Variants in SOX6 observed in about 807,000 individuals in gnomAD.
The protein encoded by SOX6 is SRY-box transcription factor 6.
Under a neutral mutation model 97.8 loss-of-function variants are expected in SOX6, and 11 were observed. That is an observed-to-expected ratio of 0.11 (90% CI 0.07 to 0.19). SOX6 has a LOEUF of 0.19. Ranked by LOEUF, SOX6 falls within the 10% of genes least tolerant of loss-of-function variation. SOX6 has a pLI of 1.00. For missense variants in SOX6, 810 were observed against 1,039.5 expected (o/e 0.78, Z 3.04); for synonymous variants, 360 against 371.4 (o/e 0.97, Z 0.35).
chr11:16,594,509 T>C (rs1386656372), intron 4 of SOX6, among the ~76,000 whole-genome samples: 1 of 152,104 alleles, frequency 6.6e-6, no homozygotes, highest in Non-Finnish European at 1.5e-5. Context: ...GGGAAAGGAC[T>C]ACAGCTAAGA....
intron 3 of SOX6, among the ~76,000 whole-genome samples, chr11:16,612,960 A>G (rs897464408): frequency 6.6e-6 from 1 of 152,124 alleles, no homozygotes; most frequent in Admixed American, 6.5e-5. Flanking sequence ...CCTAAGAGAA[A>G]CTGTAAACGG....
chr11:16,436,534 A>G (rs552927158), intron 1 of SOX6, among the ~76,000 whole-genome samples: 38 of 152,152 alleles, frequency 2.5e-4, no homozygotes, highest in African/African-American at 9.2e-4. Context: ...CTTACACACA[A>G]TGTAATTTTG....
chr11:16,252,874 GAC>G (rs1853557364), intron 3 of SOX6, among the ~76,000 whole-genome samples: 1 of 152,098 alleles, frequency 6.6e-6, no homozygotes, highest in South Asian at 2.1e-4. Flanking sequence ...ACAGTCTGAA[GAC>G]ACAGGCTCAC....
chr11:16,150,828 T>C (rs549193746), intron 6 of SOX6, among the ~76,000 whole-genome samples: 1 of 152,308 alleles, frequency 6.6e-6, no homozygotes, highest in East Asian at 1.9e-4. Flanking sequence ...GCATTTCTTC[T>C]AGCTCCTGAC....
At chr11:16,491,626 T>C (rs1226771484) in intron 4 of SOX6, among the ~76,000 whole-genome samples, 2 of 152,056 alleles carry the variant, frequency 1.3e-5, no homozygotes, top group East Asian at 3.9e-4. Context: ...GCACAAAGAA[T>C]AGACTTGATC....
intron 12 of SOX6, among the ~76,000 whole-genome samples, chr11:16,040,591 G>A (rs1855635441): frequency 6.6e-6 from 1 of 151,966 alleles, no homozygotes; most frequent in South Asian, 2.1e-4. Context: ...AAATATGTAT[G>A]AAGCACATAT....
rs368046856 is a variant in SOX6, at chr11:16,142,098, C to T, written c.778-30175G>A. Among the ~76,000 whole-genome samples the T allele has an allele frequency of 1.4e-3, 210 of 152,252 alleles. 1 individual carries two copies. The highest frequency in any genetic ancestry group is 4.7e-3 in the African/African-American group (195 of 41,564). On this transcript the variant is annotated intron_variant, in intron 6 of 15. Coordinates refer to ENST00000683767, the MANE Select transcript of SOX6 (RefSeq NM_001367873.1). Reference sequence around the variant, plus strand: ...CCCCGAGTAGCCTAACTGGGAGGCACCCCCAGTAGGGGCAGCCTGACACCT... The same window carrying T: ...CCCCGAGTAGCCTAACTGGGAGGCATCCCCAGTAGGGGCAGCCTGACACCT...
At chr11:16,032,648 C>T (rs1156708897) in intron 12 of SOX6, among the ~76,000 whole-genome samples, 7 of 152,140 alleles carry the variant, frequency 4.6e-5, no homozygotes, top group Non-Finnish European at 1.0e-4. Flanking sequence ...CACACATACA[C>T]AATCATACAT....
At chr11:16,330,930 G>A (rs1856272389) in intron 2 of SOX6, among the ~76,000 whole-genome samples, 1 of 152,072 alleles carries the variant, frequency 6.6e-6, no homozygotes, top group Non-Finnish European at 1.5e-5. Flanking sequence ...AGAAAAAAAG[G>A]AACCCCTACC....
intron 1 of SOX6, among the ~76,000 whole-genome samples, chr11:16,375,707 T>A (rs1348427056): frequency 6.6e-6 from 1 of 152,080 alleles, no homozygotes; most frequent in Non-Finnish European, 1.5e-5. Flanking sequence ...GGAATATAAA[T>A]CCTTCTGCTA....
chr11:16,579,555 A>G (rs1372281834), intron 4 of SOX6, among the ~76,000 whole-genome samples: 1 of 152,030 alleles, frequency 6.6e-6, no homozygotes, highest in Non-Finnish European at 1.5e-5. Context: ...ACCTTCCTCT[A>G]ATCTTTAGCT....
chr11:16,450,126 C>T (rs538954774), intron 1 of SOX6, among the ~76,000 whole-genome samples: 26 of 152,162 alleles, frequency 1.7e-4, no homozygotes, highest in Admixed American at 4.6e-4. Context: ...TAGACCCCTG[C>T]GCAAACTTCA....
intron 4 of SOX6, among the ~76,000 whole-genome samples, chr11:16,534,970 G>A (rs1361340345): frequency 1.3e-5 from 2 of 152,170 alleles, no homozygotes; most frequent in African/African-American, 4.8e-5. Flanking sequence ...GATTTAAACT[G>A]AGTATTGACT....
At chr11:16,406,215 T>C (rs1858684558) in intron 1 of SOX6, among the ~76,000 whole-genome samples, 1 of 152,082 alleles carries the variant, frequency 6.6e-6, no homozygotes, top group African/African-American at 2.4e-5. Flanking sequence ...AATATTGTCA[T>C]TGGAACAAGA....
upstream of SOX6, among the ~76,000 whole-genome samples, chr11:16,360,469 G>A (rs182093096): frequency 6.6e-6 from 1 of 152,228 alleles, no homozygotes; most frequent in East Asian, 1.9e-4. Context: ...GATCAAAATA[G>A]ATATGTATTT....
At chr11:16,119,217 CT>C (rs926927454) in intron 6 of SOX6, among the ~76,000 whole-genome samples, 12 of 152,146 alleles carry the variant, frequency 7.9e-5, no homozygotes, top group Admixed American at 7.9e-4. Context: ...AGAAATGTGT[CT>C]TCTTATTGCC....
intron 1 of SOX6, among the ~76,000 whole-genome samples, chr11:16,451,632 T>C (rs1240170039): frequency 6.6e-6 from 1 of 152,158 alleles, no homozygotes; most frequent in Non-Finnish European, 1.5e-5. Flanking sequence ...CTACTAACCA[T>C]CCTGTCAGTG....
At chr11:16,168,119 G>A (rs1850933182) in intron 6 of SOX6, among the ~76,000 whole-genome samples, 1 of 152,148 alleles carries the variant, frequency 6.6e-6, no homozygotes, top group African/African-American at 2.4e-5. Context: ...AAATTGGAAA[G>A]GGACAAACTA....
rs575546235 is a variant in SOX6, at chr11:16,203,931, C to T, written c.536-16976G>A. 2.0e-5 allele frequency among the ~76,000 whole-genome samples: 3 copies of T among 151,974 alleles called. No individual in the cohort carries two copies. In the East Asian group the frequency reaches 5.8e-4, roughly 29 times the overall value. On this transcript the variant is annotated intron_variant, in intron 4 of 15. Coordinates refer to ENST00000683767, the MANE Select transcript of SOX6 (RefSeq NM_001367873.1). ...TCAGTATGAAGCTTCTCATCTTAAC[C>T]TATTTTCTCTGAATTAGTAAAGTGA...
Sources: gnomAD v4.1 joint callset for allele counts (sites outside exome capture counted in the v4.1 genomes callset) on GRCh38, gnomAD v4.1.1 for gene constraint, MANE v1.5 for transcripts, NCBI Gene and HGNC (gene_info 2026-07-23, HGNC 2026-07-21) for gene names.